STAU1: variants seen among roughly 807,000 people sequenced by gnomAD.
The protein encoded by STAU1 is double-stranded RNA-binding protein Staufen homolog 1.
Under a neutral mutation model 62.9 loss-of-function variants are expected in STAU1, and 13 were observed. The ratio of observed to expected loss-of-function variants is 0.21; its 90% CI spans 0.13 to 0.33. The LOEUF (loss-of-function observed/expected upper bound fraction) is 0.33, where lower values mean the gene tolerates loss of function less well. Among genes scored for constraint, STAU1 ranks in the 10% least tolerant of loss-of-function variants. STAU1 has a pLI of 1.00. For missense variants in STAU1, 571 were observed against 712.1 expected, an observed-to-expected ratio of 0.80 and a Z score of 2.25; for synonymous variants, 269 against 265.1, an observed-to-expected ratio of 1.01 and a Z score of -0.14.
At chr20:49,138,107 C>T (rs961877927) in intron 5 of STAU1, among the ~76,000 whole-genome samples, 1 of 152,018 alleles carries the variant, frequency 6.6e-6, no homozygotes, top group Non-Finnish European at 1.5e-5. Context: ...CATGGCAAAA[C>T]CCCATCTTTA....
intron 1 of STAU1, among the ~76,000 whole-genome samples, chr20:49,186,070 G>GAT (rs1281403121): frequency 6.6e-6 from 1 of 152,026 alleles, no homozygotes; most frequent in Non-Finnish European, 1.5e-5. Context: ...AAAGTTCTGG[G>GAT]ATTACAGGCG....
At chr20:49,194,173 A>G in the STAU1 span, among the ~76,000 whole-genome samples, 3 of 152,142 alleles carry the variant, frequency 2.0e-5, no homozygotes, top group Non-Finnish European at 4.4e-5. Flanking sequence ...TCCCACCTGT[A>G]ATCCCAGCAC....
chr20:49,128,705 A>C (rs934320790), intron 6 of STAU1, among the ~76,000 whole-genome samples: 2 of 150,088 alleles, frequency 1.3e-5, no homozygotes, highest in African/African-American at 2.5e-5. Flanking sequence ...CAAGAGCAAA[A>C]CTCTGTCTCA....
At chr20:49,144,900 AAT>A (rs1312572434) in intron 5 of STAU1, among the ~76,000 whole-genome samples, 3 of 152,180 alleles carry the variant, frequency 2.0e-5, no homozygotes, top group Non-Finnish European at 2.9e-5. Flanking sequence ...AATTATGTGG[AAT>A]AACAAATAGC....
intron 5 of STAU1, among the ~76,000 whole-genome samples, chr20:49,149,188 T>A (rs2093189795): frequency 6.7e-6 from 1 of 150,348 alleles, no homozygotes; most frequent in South Asian, 2.1e-4. Context: ...GAGGTGGAGG[T>A]TGCAGTGAAC....
chr20:49,190,715 GTAAT>G (rs2093830103), upstream of STAU1, among the ~76,000 whole-genome samples: 1 of 152,122 alleles, frequency 6.6e-6, no homozygotes, highest in Admixed American at 6.6e-5. Flanking sequence ...GTCTTGCTAA[GTAAT>G]TAAGGAATCA....
chr20:49,214,517 C>CA, the STAU1 span, among the ~76,000 whole-genome samples: 82,041 of 118,650 alleles, frequency 0.69, 26,158 homozygotes, highest in Non-Finnish European at 0.77. Flanking sequence ...GATTCCGTCT[C>CA]AAAAAAAAAA....
chr20:49,159,500 C>A (rs2093417650), intron 3 of STAU1, among the ~76,000 whole-genome samples: 1 of 152,000 alleles, frequency 6.6e-6, no homozygotes, highest in Non-Finnish European at 1.5e-5. Context: ...TTAAGGTCTG[C>A]AAAAAAATCC....
chr20:49,122,916 CAAAAATAA>C (rs869070261), intron 8 of STAU1, among the ~76,000 whole-genome samples, 168 bp downstream of exon 8: 3 of 86,528 alleles, frequency 3.5e-5, no homozygotes, highest in African/African-American at 1.5e-4. Flanking sequence ...GACTCCATCT[CAAAAATAA>C]ATAAATAAAT....
At chr20:49,211,769 A>G in the STAU1 span, among the ~76,000 whole-genome samples, 1 of 151,992 alleles carries the variant, frequency 6.6e-6, no homozygotes, top group African/African-American at 2.4e-5. Context: ...CAGCCTCCCA[A>G]AGTGCTGAGA....
chr20:49,171,417 C>T (rs1487849324), intron 2 of STAU1, among the ~76,000 whole-genome samples: 2 of 152,258 alleles, frequency 1.3e-5, no homozygotes, highest in African/African-American at 4.8e-5. Flanking sequence ...GCCTCAGCCT[C>T]TCCAAGTAGC....
chr20:49,168,103 C>T (rs1399897102), intron 2 of STAU1, among the ~76,000 whole-genome samples: 3 of 146,868 alleles, frequency 2.0e-5, no homozygotes, highest in East Asian at 2.0e-4. Flanking sequence ...TTTTTTTTTC[C>T]GAGACAGAGC....
rs563777879 is a variant in STAU1, at chr20:49,114,668, G to A, written c.*210C>T. On this transcript the variant is annotated 3_prime_UTR_variant, in exon 14 of 14. Transcript: ENST00000371856. The stretch of plus-strand genomic sequence containing the variant: ...ATTGCGTAGGGACCGCCAGGTCACC[G>A]AGTGGCCATCACAACAAACCCCAGC... 2.1e-5 allele frequency: 11 copies of A among 528,436 alleles called. No individual in the cohort carries two copies. The highest frequency in any genetic ancestry group is 1.5e-4 in the African/African-American group (8 of 52,534). The allele number at this position is 528,436 out of a possible 1,614,324, so 32.7% of individuals were successfully genotyped here.
chr20:49,210,909 C>T, the STAU1 span, among the ~76,000 whole-genome samples: 2 of 152,130 alleles, frequency 1.3e-5, no homozygotes, highest in Admixed American at 6.6e-5. Flanking sequence ...AGTTCCAAAA[C>T]ATTTTAATCA....
intron 3 of STAU1, 72 bp from the exon 4 acceptor site, chr20:49,154,143 T>C (rs2093316763): frequency 1.4e-6 from 2 of 1,447,452 alleles, no homozygotes; most frequent in Non-Finnish European, 1.9e-6. Context: ...TAAAATGTAA[T>C]AGCATGCTTT....
At chr20:49,204,624 GTGTATA>G in the STAU1 span, among the ~76,000 whole-genome samples, 1 of 37,818 alleles carries the variant, frequency 2.6e-5, no homozygotes, top group African/African-American at 1.1e-4. Flanking sequence ...ATATATATAT[GTGTATA>G]TATATATATA....
In STAU1 at chr20:49,120,004, G is replaced by A; in HGVS notation, c.1091C>T (p.Pro364Leu). 1 of 1,614,142 alleles carries A rather than the reference G, an allele frequency of 6.2e-7. No individual in the cohort carries two copies. The highest frequency in any genetic ancestry group is 1.7e-5 in the Admixed American group (1 of 60,026). Reference sequence around the variant, plus strand: ...CACCTTCTCCTCTGACTTGAGTGCGGGTTTGGTGGGCTGCGCCTGCGGGAC... The same window carrying A: ...CACCTTCTCCTCTGACTTGAGTGCGAGTTTGGTGGGCTGCGCCTGCGGGAC... ...FKVPQAQPTK[P>L]ALKSEEKTPI... is the part of the protein sequence containing the mutation. Residue 364 changes from proline (P) to leucine (L), a missense_variant, in exon 9 of 14, where the codon CCC becomes CTC. Around this residue, in one of 3 missense-constraint regions of STAU1, gnomAD observed 414 missense variants for 499.6 expected, o/e 0.83. Transcript: ENST00000371856.
At chr20:49,198,770 T>C in the STAU1 span, among the ~76,000 whole-genome samples, 39 of 151,946 alleles carry the variant, frequency 2.6e-4, no homozygotes, top group Non-Finnish European at 5.1e-4. Context: ...AAGACCATCC[T>C]GACTAACACT....
chr20:49,116,860 G>A (rs2092339271), intron 12 of STAU1, among the ~76,000 whole-genome samples: 1 of 152,172 alleles, frequency 6.6e-6, no homozygotes, highest in South Asian at 2.1e-4. Flanking sequence ...GTGAGCTGCA[G>A]GATCCCAGTT....
Sources: gnomAD v4.1 joint callset for allele counts (sites outside exome capture counted in the v4.1 genomes callset) on GRCh38, gnomAD v4.1.1 for gene constraint, gnomAD v4.1.1 regional missense constraint, MANE v1.5 for transcripts, NCBI Gene and HGNC (gene_info 2026-07-23, HGNC 2026-07-21) for gene names.